Variants in NBEAL2 observed in about 807,000 individuals in gnomAD.
The protein encoded by NBEAL2 is neurobeachin like 2.
In NBEAL2, 160 loss-of-function variants were observed where a neutral mutation model predicts 299.8. The ratio of observed to expected loss-of-function variants is 0.53; its 90% confidence interval spans 0.47 to 0.61. NBEAL2 has a LOEUF of 0.61. Ranked by LOEUF, NBEAL2 falls within the 20% of genes least tolerant of loss-of-function variation. The pLI, the probability that NBEAL2 is intolerant of heterozygous loss-of-function variation, is 0.00. For missense variants in NBEAL2, 3,112 were observed against 3,649.0 expected (o/e 0.85, Z 3.79); for synonymous variants, 1,493 against 1,542.3 (o/e 0.97, Z 0.75).
In NBEAL2 at chr3:47,005,086, G is replaced by C. The variant is rs377051387; in HGVS notation, c.6409G>C (p.Val2137Leu). The change falls in exon 39 of 54, where the codon GTG (valine) becomes CTG (leucine). Residue 2137 changes from valine (V) to leucine (L), a missense_variant. Val to Leu is a conservative substitution (Grantham distance 32, BLOSUM62 1). This residue lies in a region of NBEAL2 where 521 missense variants were observed against 729.6 expected (regional missense o/e 0.71). Coordinates refer to ENST00000450053, the MANE Select transcript of NBEAL2 (RefSeq NM_015175.3). ...GGTGAACCCCAAGCATGCCCAGCTC[G>C]TGAGGGAGAAGTGAGCATGTGGGCA... is the stretch of plus-strand genomic sequence containing the variant. ...GVVNPKHAQL[V>L]REKYESFEDP... 4 of 1,613,680 alleles carry C rather than the reference G, an allele frequency of 2.5e-6. No individual in the cohort carries two copies. The highest frequency in any genetic ancestry group is 1.3e-5 in the African/African-American group (1 of 74,924).
rs369938444 is a variant in NBEAL2 at position 46,995,470 on chromosome 3, C to T, written c.1735C>T (p.Arg579Cys). ...GCACCAGGGTCCTGCACGTGCTCTGCGCTACTTTGACCTCACGCCCAGCAT... is the reference window on the plus strand; with the variant it reads ...GCACCAGGGTCCTGCACGTGCTCTGTGCTACTTTGACCTCACGCCCAGCAT... ...ARHQGPARALRYFDLTPSMAG... is the reference protein window; with the variant it reads ...ARHQGPARALCYFDLTPSMAG... Residue 579 changes from arginine to cysteine, a missense_variant, in exon 13 of 54, where the codon CGC becomes TGC. Arg to Cys is a radical substitution (Grantham distance 180). Transcript: ENST00000450053. 5.6e-6 allele frequency: 9 copies of T among 1,612,774 alleles called. No individual in the cohort carries two copies. Among genetic ancestry groups the T allele is most frequent in the African/African-American group, 2.7e-5 (2 of 74,950 alleles).
rs1036474014 is a variant in NBEAL2 at position 47,005,818 on chromosome 3, G to A, written c.6772G>A (p.Asp2258Asn). ...ACCCCCGTGGGCCAGCTCTCCTGAG[G>A]ACTTCATCCAGCAGCACCGCCAGGC... Reference protein sequence around the residue: ...VLPPWASSPEDFIQQHRQALE... With the variant: ...VLPPWASSPENFIQQHRQALE... Residue 2258 changes from aspartate to asparagine, a missense_variant, in exon 42 of 54, where the codon GAC (aspartate) becomes AAC (asparagine). Coordinates refer to ENST00000450053, the MANE Select transcript of NBEAL2 (RefSeq NM_015175.3). The A allele has an allele frequency of 1.2e-6, 2 of 1,613,242 alleles. No homozygotes were observed. Among genetic ancestry groups the A allele is most frequent in the African/African-American group, 2.7e-5 (2 of 74,906 alleles).
Position 46,996,368 on chromosome 3 carries a change from C to T in NBEAL2, c.2249C>T (p.Thr750Ile). The T allele has an allele frequency of 2.5e-6, 4 of 1,612,500 alleles. No homozygotes were observed. Among genetic ancestry groups the T allele is most frequent in the Non-Finnish European group, 2.5e-6 (3 of 1,179,804 alleles). The stretch of plus-strand genomic sequence containing the variant: ...CCAGTCCCCGCCACCCTGGCCTACA[C>T]TCACCCCGCCCTCACCCGCTCCCAG... ...TPPVPATLAYTHPALTRSQSV... is the reference protein window; with the variant it reads ...TPPVPATLAYIHPALTRSQSV... The change falls in exon 16 of 54, where the codon ACT becomes ATT. Residue 750 changes from threonine to isoleucine, a missense_variant. Thr to Ile is a moderately conservative substitution (Grantham distance 89, BLOSUM62 -1). Transcript: ENST00000450053.
At position 46,995,044 on chromosome 3, in the gene NBEAL2, G is replaced by T; in HGVS notation, c.1309G>T (p.Asp437Tyr). 2 of 1,546,044 alleles carry T rather than the reference G, an allele frequency of 1.3e-6. No individual in the cohort carries two copies. Among genetic ancestry groups the T allele is most frequent in the South Asian group, 1.2e-5 (1 of 84,406 alleles). ...TCTCCACCCACAGGCTGTGGAGGGT[G>T]ACCACAGCATGTGCCCACCTCCACC... ...QELLNMAVEG[D>Y]HSMCPPPPIR... is the part of the protein sequence containing the mutation. Residue 437 changes from aspartate (D) to tyrosine (Y), a missense_variant, in exon 13 of 54, where the codon GAC becomes TAC. Coordinates refer to ENST00000450053, the MANE Select transcript of NBEAL2 (RefSeq NM_015175.3).
rs895071307 is a variant in NBEAL2, at chr3:47,004,403, C to T, written c.6198+10C>T. 3.1e-6 allele frequency: 5 copies of T among 1,589,290 alleles called. No individual in the cohort carries two copies. The highest frequency in any genetic ancestry group is 4.3e-6 in the Non-Finnish European group (5 of 1,165,102). On this transcript the variant is annotated intron_variant, in intron 37 of 53. Coordinates refer to ENST00000450053, the MANE Select transcript of NBEAL2 (RefSeq NM_015175.3). The surrounding 1 kb of genome is among the most constrained non-coding windows in gnomAD (Gnocchi z 5.0). Reference sequence around the variant, plus strand: ...CTCAGGCCTTACCCAGGTGAGAGCCCTGGGTGTGAGGGATGTGAAGTCGGG... The same window carrying T: ...CTCAGGCCTTACCCAGGTGAGAGCCTTGGGTGTGAGGGATGTGAAGTCGGG...
Position 47,003,721 on chromosome 3 carries a change from T to C in NBEAL2, c.5721-95T>C, listed in dbSNP as rs2037204838. The C allele has an allele frequency of 1.4e-6, 2 of 1,424,448 alleles. No homozygotes were observed. Among genetic ancestry groups the C allele is most frequent in the Non-Finnish European group, 1.9e-6 (2 of 1,060,874 alleles). 88.2% of individuals were successfully genotyped at this position (1,424,448 alleles called of 1,614,324 possible). A position where few individuals can be genotyped will look rare whatever the true frequency, so the allele number is the denominator to read the frequency against. ...CCCATCTCTGGGAGTCATGAGAGTATATACCCCATGACTCAATGGCACTTG... is the reference window on the plus strand; with the variant it reads ...CCCATCTCTGGGAGTCATGAGAGTACATACCCCATGACTCAATGGCACTTG... On this transcript the variant is annotated intron_variant, in intron 35 of 53. Coordinates refer to ENST00000450053, the MANE Select transcript of NBEAL2 (RefSeq NM_015175.3). The surrounding 1 kb of genome is among the most constrained non-coding windows in gnomAD (Gnocchi z 7.0).
chr3:46,994,092 C>A, intron 11 of NBEAL2, 72 bp downstream of exon 11: 2 of 1,452,392 alleles, frequency 1.4e-6, no homozygotes, highest in South Asian at 1.2e-5. Context: ...CCAGAACAGG[C>A]CTGGCCGGTG....
At position 47,004,877 on chromosome 3, in the gene NBEAL2, G is replaced by C. The variant is rs1323891537; in HGVS notation, c.6295-95G>C. 2.6e-6 allele frequency: 4 copies of C among 1,522,928 alleles called. No individual in the cohort carries two copies. Among genetic ancestry groups the C allele is most frequent in the African/African-American group, 2.8e-5 (2 of 72,682 alleles). The allele number at this position is 1,522,928 out of a possible 1,614,324, so 94.3% of individuals were successfully genotyped here. A position where few individuals can be genotyped will look rare whatever the true frequency, so the allele number is the denominator to read the frequency against. On this transcript the variant is annotated intron_variant, in intron 38 of 53. Transcript: ENST00000450053. The surrounding 1 kb of genome is among the most constrained non-coding windows in gnomAD (Gnocchi z 5.0). Reference sequence around the variant, plus strand: ...TGGTGCTCCCCCAACCTGTGGGCAGGCTCTGTGCCCGCCTTCTTGAGGGTG... The same window carrying C: ...TGGTGCTCCCCCAACCTGTGGGCAGCCTCTGTGCCCGCCTTCTTGAGGGTG...
chr3:46,991,612 C>T lies in NBEAL2; in HGVS notation c.849C>T (p.Val283=), dbSNP rs1311867235. The T allele has an allele frequency of 3.1e-6, 5 of 1,600,214 alleles. No individual in the cohort carries two copies. The highest frequency in any genetic ancestry group is 1.3e-5 in the African/African-American group (1 of 74,918). Residue 283 remains valine, a synonymous_variant, in exon 8 of 54, where the codon GTC becomes GTT. Transcript: ENST00000450053. The surrounding 1 kb of genome is among the most constrained non-coding windows in gnomAD (Gnocchi z 6.2). ...CCCTGCTTGAGAGCTACTTCCATGT[C>T]CTTAATGCTGACTGGCCAGCTGGTC... The part of the protein sequence containing the change: ...LRALLESYFH[V]LNADWPAGLS...
chr3:46,994,095 G>A, intron 11 of NBEAL2, 75 bp downstream of exon 11: 2 of 1,431,392 alleles, frequency 1.4e-6, no homozygotes, highest in South Asian at 1.2e-5. Flanking sequence ...GAACAGGCCT[G>A]GCCGGTGGCC....
At chr3:46,990,711 G>A (rs2036018322) in intron 6 of NBEAL2, among the ~76,000 whole-genome samples, 1 of 152,220 alleles carries the variant, frequency 6.6e-6, no homozygotes, top group African/African-American at 2.4e-5. Flanking sequence ...GGCCAGGTGG[G>A]CCTCCTACGT....
At position 47,003,185 on chromosome 3, in the gene NBEAL2, C is replaced by T. The variant is rs2037165782; in HGVS notation, c.5596C>T (p.Leu1866=). ...TTGGCCCCTTGCAGGTGAGGTTCCCCTGACACCCACCGAGGAGGCCTCACT... is the reference window on the plus strand; with the variant it reads ...TTGGCCCCTTGCAGGTGAGGTTCCCTTGACACCCACCGAGGAGGCCTCACT... ...ALRDNLGEVP[L]TPTEEASLPL... Residue 1866 remains leucine, a synonymous_variant, in exon 35 of 54, where the codon CTG becomes TTG. Coordinates refer to ENST00000450053, the MANE Select transcript of NBEAL2 (RefSeq NM_015175.3). The surrounding 1 kb of genome is among the most constrained non-coding windows in gnomAD (Gnocchi z 7.0). 2 of 1,608,760 alleles carry T rather than the reference C, an allele frequency of 1.2e-6. No individual in the cohort carries two copies. Among genetic ancestry groups the T allele is most frequent in the Non-Finnish European group, 1.7e-6 (2 of 1,176,830 alleles).
At position 47,001,978 on chromosome 3, in the gene NBEAL2, G is replaced by A. The variant is rs186059483; in HGVS notation, c.4841G>A (p.Arg1614His). 14 of 1,607,996 alleles carry A rather than the reference G, an allele frequency of 8.7e-6. No individual in the cohort carries two copies. Among genetic ancestry groups the A allele is most frequent in the East Asian group, 2.2e-5 (1 of 44,712 alleles). The change falls in exon 31 of 54, where the codon CGC becomes CAC. Residue 1614 changes from arginine to histidine, a missense_variant. Arg to His is a conservative substitution (Grantham distance 29). Around this residue, in one of 3 missense-constraint regions of NBEAL2, gnomAD observed 2,243 missense variants for 2,538.1 expected, o/e 0.88. Coordinates refer to ENST00000450053, the MANE Select transcript of NBEAL2 (RefSeq NM_015175.3). This position sits in a 1 kb window ranked among gnomAD's most constrained non-coding sequence, Gnocchi z 6.1. The part of the protein sequence containing the change: ...HMLLQTAVPA[R>H]REEACYVLSK... Reference sequence around the variant, plus strand: ...CTGCTACAGACTGCAGTGCCAGCCCGCCGCGAGGAGGCCTGCTATGTGCTC... The same window carrying A: ...CTGCTACAGACTGCAGTGCCAGCCCACCGCGAGGAGGCCTGCTATGTGCTC...
At position 46,998,749 on chromosome 3, in the gene NBEAL2, A is replaced by G. The variant is rs1176276572; in HGVS notation, c.3254A>G (p.Asp1085Gly). 2 of 1,579,044 alleles carry G rather than the reference A, an allele frequency of 1.3e-6. No homozygotes were observed. Among genetic ancestry groups the G allele is most frequent in the South Asian group, 2.3e-5 (2 of 86,900 alleles). Reference sequence around the variant, plus strand: ...CGGGAGCGCCCCCTGGCTGCTGACGACCTACGCACCGTGCAGACCTCCCTC... The same window carrying G: ...CGGGAGCGCCCCCTGGCTGCTGACGGCCTACGCACCGTGCAGACCTCCCTC... ...PQRERPLAAD[D>G]LRTVQTSLLG... The change falls in exon 23 of 54, where the codon GAC (aspartate) becomes GGC (glycine). Residue 1085 changes from aspartate (D) to glycine (G), a missense_variant. Physicochemically the swap from Asp to Gly is moderately conservative, Grantham distance 94. Transcript: ENST00000450053.
chr3:47,002,130 G>T lies in NBEAL2; in HGVS notation c.4993G>T (p.Val1665Leu), dbSNP rs1219340490. Residue 1665 changes from valine (V) to leucine (L), a missense_variant, in exon 31 of 54, where the codon GTG becomes TTG. Physicochemically the swap from Val to Leu is conservative, Grantham distance 32 (BLOSUM62 1). This residue lies in a region of NBEAL2 where 2,243 missense variants were observed against 2,538.1 expected (regional missense o/e 0.88). Coordinates refer to ENST00000450053, the MANE Select transcript of NBEAL2 (RefSeq NM_015175.3). Reference protein sequence around the residue: ...AAAAERCSWLVPLVRTLLDRA... With the variant: ...AAAAERCSWLLPLVRTLLDRA... ...AGCTGCAGAGCGCTGCTCCTGGCTG[G>T]TGCCACTGGTGCGCACGCTGCTAGA... 2 of 1,550,584 alleles carry T rather than the reference G, an allele frequency of 1.3e-6. No individual in the cohort carries two copies. The highest frequency in any genetic ancestry group is 1.4e-5 in the African/African-American group (1 of 73,038).
In NBEAL2 at chr3:46,988,166, T is replaced by A. The variant is rs1240904373; in HGVS notation, c.52-503T>A. ...ATGTCTGGGTCTGCCTGTCTAATGG[T>A]ACACGTGTGTCCTGGGATCCACAGT... On this transcript the variant is annotated intron_variant, in intron 1 of 53. Coordinates refer to ENST00000450053, the MANE Select transcript of NBEAL2 (RefSeq NM_015175.3). This position sits in a 1 kb window ranked among gnomAD's most constrained non-coding sequence, Gnocchi z 4.4. 4 of 937,734 alleles carry A rather than the reference T, an allele frequency of 4.3e-6. No individual in the cohort carries two copies. In the East Asian group the frequency reaches 3.1e-4, roughly 74 times the overall value. The allele number at this position is 937,734 out of a possible 1,614,324, so 58.1% of individuals were successfully genotyped here.
Position 46,989,045 on chromosome 3 carries a change from G to T in NBEAL2, c.270-40G>T. On this transcript the variant is annotated intron_variant, in intron 3 of 53. Coordinates refer to ENST00000450053, the MANE Select transcript of NBEAL2 (RefSeq NM_015175.3). The surrounding 1 kb of genome is among the most constrained non-coding windows in gnomAD (Gnocchi z 5.5). ...AGGGAGAGGGGACAAGGAGGGGCATGGTGTATTATTGTGACCTCTCTCATC... is the reference window on the plus strand; with the variant it reads ...AGGGAGAGGGGACAAGGAGGGGCATTGTGTATTATTGTGACCTCTCTCATC... 2 of 1,611,838 alleles carry T rather than the reference G, an allele frequency of 1.2e-6. No individual in the cohort carries two copies. The highest frequency in any genetic ancestry group is 4.5e-5 in the East Asian group (2 of 44,804).
intron 26 of NBEAL2, 31 bp downstream of exon 26, chr3:46,999,746 G>A: frequency 1.2e-6 from 2 of 1,602,600 alleles, no homozygotes; most frequent in South Asian, 1.1e-5. Flanking sequence ...CTTTGGGGGA[G>A]GGGGAGGGTG....
rs1484563728 is a variant in NBEAL2 at position 47,000,118 on chromosome 3, C to G, written c.4019C>G (p.Pro1340Arg). 1.2e-6 allele frequency: 2 copies of G among 1,613,728 alleles called. No homozygotes were observed. Among genetic ancestry groups the G allele is most frequent in the Admixed American group, 3.3e-5 (2 of 60,004 alleles). The change falls in exon 27 of 54, where the codon CCT becomes CGT. Residue 1340 changes from proline (P) to arginine (R), a missense_variant. Pro to Arg is a moderately radical substitution (Grantham distance 103). Coordinates refer to ENST00000450053, the MANE Select transcript of NBEAL2 (RefSeq NM_015175.3). This position sits in a 1 kb window ranked among gnomAD's most constrained non-coding sequence, Gnocchi z 4.5. ...DVFLPSEAPC[P>R]DPDGFYHALS... is the part of the protein sequence containing the mutation. ...TTCCTGCCCTCAGAGGCCCCCTGCC[C>G]TGACCCTGATGGCTTTTACCATGCT... is the stretch of plus-strand genomic sequence containing the variant.
Sources: allele counts gnomAD v4.1 joint callset (sites outside exome capture counted in the v4.1 genomes callset), GRCh38; gene constraint gnomAD v4.1.1; regional missense constraint gnomAD v4.1.1; non-coding constraint Gnocchi (gnomAD v3.1); transcripts MANE v1.5; gene names NCBI Gene and HGNC (gene_info 2026-07-23, HGNC 2026-07-21).